The following FGF14 variants were observed in gnomAD, a reference collection of about 807,000 sequenced individuals.
FGF14 encodes the protein fibroblast growth factor homologous factor 4.
FGF14 carries 5 observed loss-of-function variants against 25.5 expected under a neutral mutation model. The ratio of observed to expected loss-of-function variants is 0.20; its 90% CI spans 0.10 to 0.41. The LOEUF (loss-of-function observed/expected upper bound fraction) is 0.41. Among genes scored for constraint, FGF14 ranks in the 10% least tolerant of loss-of-function variants. The pLI, the probability that FGF14 is intolerant of heterozygous loss-of-function variation, is 1.00. For synonymous variants in FGF14, 138 were observed against 118.3 expected (o/e 1.17, Z -1.08); for missense variants, 222 against 320.1 (o/e 0.69, Z 2.34).
Position 102,025,171 on chromosome 13 carries a change from C to T in FGF14, c.209-149875G>A, listed in dbSNP as rs559491136. Among the ~76,000 whole-genome samples, 12 of 151,766 alleles carry T rather than the reference C, an allele frequency of 7.9e-5. No homozygotes were observed. The South Asian group carries it at 1.7e-3, about 21-fold the overall frequency. On this transcript the variant is annotated intron_variant, in intron 1 of 4. Transcript: ENST00000376131. ...TTTCAAGACTGTTTCGGCTATAAGT[C>T]CCTTCAATGTCCATATAAACTTTAG...
chr13:102,325,484 T>C (rs1173277311), intron 1 of FGF14, among the ~76,000 whole-genome samples: 3 of 152,136 alleles, frequency 2.0e-5, no homozygotes, highest in East Asian at 1.9e-4. Flanking sequence ...CACTCAGCCA[T>C]TGTGGGCACC....
intron 1 of FGF14, among the ~76,000 whole-genome samples, chr13:102,182,196 T>A (rs1273991818): frequency 6.6e-6 from 1 of 152,084 alleles, no homozygotes; most frequent in Non-Finnish European, 1.5e-5. Context: ...AGAAGCAGGT[T>A]TACAGAGACG....
At chr13:102,133,433 C>T (rs1019734109) in intron 1 of FGF14, among the ~76,000 whole-genome samples, 12 of 152,086 alleles carry the variant, frequency 7.9e-5, no homozygotes, top group African/African-American at 2.9e-4. Flanking sequence ...TTCTCTATAA[C>T]ATGTGTGCAT....
intron 1 of FGF14, among the ~76,000 whole-genome samples, chr13:101,970,663 G>A (rs1331831416): frequency 6.6e-6 from 1 of 152,148 alleles, no homozygotes; most frequent in Admixed American, 6.5e-5. Flanking sequence ...AAGAAAAAAT[G>A]CATTTGCTCT....
chr13:101,743,831 G>T (rs1185428664), intron 3 of FGF14, among the ~76,000 whole-genome samples: 2 of 151,930 alleles, frequency 1.3e-5, no homozygotes, highest in African/African-American at 2.4e-5. Context: ...TTTAAAGAGG[G>T]TTTACAAATC....
intron 1 of FGF14, among the ~76,000 whole-genome samples, chr13:101,941,344 C>A (rs140269674): frequency 9.2e-5 from 14 of 152,304 alleles, no homozygotes; most frequent in African/African-American, 3.1e-4. Flanking sequence ...ACTGGCCAAG[C>A]TATATTTCTA....
chr13:102,310,393 AT>A (rs1454258494), intron 1 of FGF14, among the ~76,000 whole-genome samples: 1 of 152,148 alleles, frequency 6.6e-6, no homozygotes, highest in Non-Finnish European at 1.5e-5. Flanking sequence ...GAATTCCCGA[AT>A]TTTAAAAATA....
chr13:101,764,176 T>G (rs187977389), intron 3 of FGF14, among the ~76,000 whole-genome samples: 164 of 152,286 alleles, frequency 1.1e-3, no homozygotes, highest in African/African-American at 3.7e-3. Context: ...TTATTATTCT[T>G]ATTTTAATAC....
intron 1 of FGF14, among the ~76,000 whole-genome samples, chr13:102,184,697 G>A (rs1225072706): frequency 6.6e-6 from 1 of 152,178 alleles, no homozygotes; most frequent in Non-Finnish European, 1.5e-5. Context: ...GAACATCCGT[G>A]TAGATGAGGG....
At position 101,722,351 on chromosome 13, in the gene FGF14, G is replaced by A. The variant is rs1323400323; in HGVS notation, c.*480C>T. On this transcript the variant is annotated 3_prime_UTR_variant, in exon 5 of 5. Coordinates refer to ENST00000376143, the MANE Select transcript of FGF14 (RefSeq NM_004115.4). Reference sequence around the variant, plus strand: ...CAAAAGGTCACAGACAGTGGAGCGAGCAGCCCTGTAAAAATGGGAAGAAGA... The same window carrying A: ...CAAAAGGTCACAGACAGTGGAGCGAACAGCCCTGTAAAAATGGGAAGAAGA... 2 of 224,514 alleles carry A rather than the reference G, an allele frequency of 8.9e-6. No homozygotes were observed. Among genetic ancestry groups the A allele is most frequent in the Admixed American group, 1.0e-4 (2 of 19,110 alleles). 13.9% of individuals were successfully genotyped at this position (224,514 alleles called of 1,614,324 possible).
intron 3 of FGF14, among the ~76,000 whole-genome samples, chr13:101,806,162 C>CT (rs2041186486): frequency 6.6e-6 from 1 of 151,892 alleles, no homozygotes; most frequent in Admixed American, 6.6e-5. Flanking sequence ...TGGCTCACTC[C>CT]TGTAATCCCA....
At chr13:102,155,464 T>A (rs1227749378) in intron 1 of FGF14, among the ~76,000 whole-genome samples, 1 of 151,894 alleles carries the variant, frequency 6.6e-6, no homozygotes, top group African/African-American at 2.4e-5. Flanking sequence ...TTGAAACCAA[T>A]GAGAACAAAG....
At chr13:101,753,790 CA>C (rs1424661417) in intron 3 of FGF14, among the ~76,000 whole-genome samples, 3 of 141,974 alleles carry the variant, frequency 2.1e-5, no homozygotes, top group Non-Finnish European at 4.6e-5. Flanking sequence ...GCAACAAGAG[CA>C]AAACTCCGTC....
At chr13:102,371,411 C>T (rs1474747842) in intron 1 of FGF14, among the ~76,000 whole-genome samples, 1 of 152,034 alleles carries the variant, frequency 6.6e-6, no homozygotes, top group Non-Finnish European at 1.5e-5. Context: ...CTCTCCTCTG[C>T]CTAAAATAGC....
In FGF14 at chr13:102,006,935, G is replaced by A. The variant is rs369891070; in HGVS notation, c.209-131639C>T. On this transcript the variant is annotated intron_variant, in intron 1 of 4. Coordinates refer to the FGF14 transcript ENST00000376131. ...AATTTTTTGTATTTTTAGTAGAGAC[G>A]GGGTTTCACCTTGTTAGCCAGGATG... Among the ~76,000 whole-genome samples, 141 of 150,526 alleles carry A rather than the reference G, an allele frequency of 9.4e-4. 1 individual carries two copies. In the East Asian group the frequency reaches 0.012, roughly 13 times the overall value.
chr13:102,371,913 G>A (rs1230055988), intron 1 of FGF14, among the ~76,000 whole-genome samples: 1 of 152,028 alleles, frequency 6.6e-6, no homozygotes, highest in Non-Finnish European at 1.5e-5. Context: ...CTTTAAAAAG[G>A]ATATACTTAT....
chr13:102,169,731 C>A (rs977759848), intron 1 of FGF14, among the ~76,000 whole-genome samples: 2 of 152,036 alleles, frequency 1.3e-5, no homozygotes, highest in Non-Finnish European at 2.9e-5. Context: ...AATTGGATAA[C>A]CTTTATTCCA....
At chr13:101,975,156 TACAG>T (rs1425154290) in intron 1 of FGF14, among the ~76,000 whole-genome samples, 1 of 152,054 alleles carries the variant, frequency 6.6e-6, no homozygotes, top group Non-Finnish European at 1.5e-5. Context: ...AACCCTCAAC[TACAG>T]ACAGAAGCCC....
chr13:102,349,570 T>A (rs1367566986), intron 1 of FGF14, among the ~76,000 whole-genome samples: 1 of 152,192 alleles, frequency 6.6e-6, no homozygotes, highest in African/African-American at 2.4e-5. Context: ...TCAGGAGTCA[T>A]AAAAATCTGC....
Sources: gnomAD v4.1 joint callset for allele counts (sites outside exome capture counted in the v4.1 genomes callset) on GRCh38, gnomAD v4.1.1 for gene constraint, MANE v1.5 for transcripts, NCBI Gene and HGNC (gene_info 2026-07-23, HGNC 2026-07-21) for gene names.